The following CUX1 variants were observed in gnomAD, a reference collection of about 807,000 sequenced individuals.
CUX1 encodes protein CASP.
In CUX1, 31 loss-of-function variants were observed where a neutral mutation model predicts 158.8. The ratio of observed to expected loss-of-function variants is 0.20; its 90% CI spans 0.15 to 0.26. CUX1 has a LOEUF of 0.26. Ranked by LOEUF, CUX1 falls within the 10% of genes least tolerant of loss-of-function variation. The pLI, the probability that CUX1 is intolerant of heterozygous loss-of-function variation, is 1.00. For synonymous variants in CUX1, 879 were observed against 862.1 expected (o/e 1.02, Z -0.34); for missense variants, 1,589 against 2,014.6 (o/e 0.79, Z 4.04).
intron 23 of CUX1, among the ~76,000 whole-genome samples, chr7:102,243,798 C>T (rs1205011828): frequency 6.6e-6 from 1 of 151,696 alleles, no homozygotes. Context: ...AAGGCCAAGG[C>T]GGGCAGATCA....
chr7:101,942,029 G>A (rs1341642881), intron 2 of CUX1, among the ~76,000 whole-genome samples: 1 of 152,194 alleles, frequency 6.6e-6, no homozygotes, highest in South Asian at 2.1e-4. Flanking sequence ...TCCCAGGCCT[G>A]TTTTTGCATG....
intron 1 of CUX1, among the ~76,000 whole-genome samples, chr7:101,879,043 A>G (rs961879625): frequency 1.3e-5 from 2 of 152,188 alleles, no homozygotes; most frequent in Non-Finnish European, 2.9e-5. Context: ...GCCCATTCGT[A>G]CTGTGCTGGA....
In CUX1 at chr7:102,255,569, GTAGTGTTTACGC is replaced by G; in HGVS notation, c.*6529_*6540del. On this transcript the variant is annotated 3_prime_UTR_variant, in exon 24 of 24. Coordinates refer to ENST00000292535, the MANE Select transcript of CUX1 (RefSeq NM_181552.4). ...ATTAGTCTACGTTACTGTAATTTCT[GTAGTGTTTACGC>G]TTTAATTTCTACCACAAAATATGCT... 1.0e-6 allele frequency: 1 copy of G among 985,380 alleles called. No homozygotes were observed. The highest frequency in any genetic ancestry group is 1.2e-6 in the Non-Finnish European group (1 of 829,896). 61.0% of individuals were successfully genotyped at this position (985,380 alleles called of 1,614,324 possible). A position where few individuals can be genotyped will look rare whatever the true frequency, so the allele number is the denominator to read the frequency against.
intron 2 of CUX1, among the ~76,000 whole-genome samples, chr7:102,003,992 A>G (rs1045358281): frequency 1.3e-5 from 2 of 152,180 alleles, no homozygotes; most frequent in Non-Finnish European, 1.5e-5. Flanking sequence ...CTATATGTAT[A>G]CACGTATAAA....
intron 4 of CUX1, among the ~76,000 whole-genome samples, chr7:102,084,792 T>A (rs1341073054): frequency 6.6e-6 from 1 of 151,668 alleles, no homozygotes. Flanking sequence ...TGGTTGATAG[T>A]GTTGTTCATG....
intron 1 of CUX1, among the ~76,000 whole-genome samples, chr7:101,907,888 G>A (rs1416106382): frequency 6.6e-6 from 1 of 152,136 alleles, no homozygotes; most frequent in African/African-American, 2.4e-5. Flanking sequence ...AGGAGGCTGA[G>A]GTGGGAGGAT....
chr7:101,833,720 C>G (rs906143520), intron 1 of CUX1, among the ~76,000 whole-genome samples: 5 of 152,086 alleles, frequency 3.3e-5, no homozygotes, highest in Admixed American at 1.3e-4. Flanking sequence ...GTCCAGGGCT[C>G]TGGGACCTGT....
chr7:102,262,466 C>A (rs1385758248), downstream of CUX1, among the ~76,000 whole-genome samples: 1 of 140,012 alleles, frequency 7.1e-6, no homozygotes, highest in African/African-American at 2.7e-5. Flanking sequence ...AGTGAGAAGA[C>A]CTGGAAACCA....
chr7:102,281,098 G>A (rs1302936384), intron 20 of CUX1, among the ~76,000 whole-genome samples: 1 of 152,228 alleles, frequency 6.6e-6, no homozygotes. Flanking sequence ...GCAGCCTAGA[G>A]TCAGACATGG....
intron 2 of CUX1, among the ~76,000 whole-genome samples, chr7:101,935,837 G>A (rs909851870): frequency 1.3e-5 from 2 of 152,166 alleles, no homozygotes; most frequent in Non-Finnish European, 2.9e-5. Flanking sequence ...GTGCACACTT[G>A]GGAGTCACAT....
intron 14 of CUX1, among the ~76,000 whole-genome samples, chr7:102,271,956 A>C (rs1791243146): frequency 6.6e-6 from 1 of 152,198 alleles, no homozygotes; most frequent in Non-Finnish European, 1.5e-5. Flanking sequence ...TTGGAGGCGG[A>C]GGTTGCAGTG....
chr7:101,889,068 C>G (rs979953560), intron 1 of CUX1, among the ~76,000 whole-genome samples: 26 of 151,626 alleles, frequency 1.7e-4, no homozygotes, highest in Non-Finnish European at 2.6e-4. Context: ...GGGTTCAAGA[C>G]CAGCCTGGGC....
At chr7:102,033,150 C>T (rs2129343695) in intron 3 of CUX1, among the ~76,000 whole-genome samples, 1 of 152,206 alleles carries the variant, frequency 6.6e-6, no homozygotes, top group Non-Finnish European at 1.5e-5. Flanking sequence ...TAAGCATCGG[C>T]TTTATAAAAT....
intron 3 of CUX1, among the ~76,000 whole-genome samples, chr7:102,028,918 G>A (rs2129334770): frequency 6.6e-6 from 1 of 151,990 alleles, no homozygotes; most frequent in South Asian, 2.1e-4. Flanking sequence ...AATCATAGCA[G>A]GCTGATAAGG....
chr7:102,166,055 T>C (rs1107463), intron 9 of CUX1, among the ~76,000 whole-genome samples: 9,913 of 152,218 alleles, frequency 0.065, 448 homozygotes, highest in African/African-American at 0.12. Context: ...CATTTTGAGA[T>C]GAGGAGGATG....
intron 2 of CUX1, among the ~76,000 whole-genome samples, chr7:102,008,157 C>T (rs1817594014): frequency 6.6e-6 from 1 of 152,140 alleles, no homozygotes; most frequent in Non-Finnish European, 1.5e-5. Context: ...CTGGTCTCTG[C>T]GTACTACCTT....
intron 4 of CUX1, among the ~76,000 whole-genome samples, chr7:102,084,462 C>T (rs1827758378): frequency 1.6e-5 from 2 of 122,542 alleles, no homozygotes; most frequent in African/African-American, 5.4e-5. Flanking sequence ...CTCGCTCTGT[C>T]ACCCTGGCTG....
At chr7:101,874,499 G>A (rs904858571) in intron 1 of CUX1, among the ~76,000 whole-genome samples, 4 of 152,208 alleles carry the variant, frequency 2.6e-5, no homozygotes, top group African/African-American at 7.2e-5. Context: ...TATTTATGGC[G>A]CATCGCCTTG....
intron 8 of CUX1, among the ~76,000 whole-genome samples, chr7:102,132,315 GCGCGCGCGCACGCCA>G (rs1226162108): frequency 7.7e-3 from 1 of 130 alleles, no homozygotes; most frequent in Non-Finnish European, 0.012. Flanking sequence ...GTGTGCGCGC[GCGCGCGCGCACGCCA>G]CGCACACACG....
Sources: gnomAD v4.1 joint callset for allele counts (sites outside exome capture counted in the v4.1 genomes callset) on GRCh38, gnomAD v4.1.1 for gene constraint, MANE v1.5 for transcripts, NCBI Gene and HGNC (gene_info 2026-07-23, HGNC 2026-07-21) for gene names.